The following GPR176 variants were observed in gnomAD, a reference collection of about 807,000 sequenced individuals.
The protein encoded by GPR176 is G-protein coupled receptor 176.
Under a neutral mutation model 35.4 loss-of-function variants are expected in GPR176, and 26 were observed. That is an observed-to-expected ratio of 0.74 (90% confidence interval 0.54 to 1.02). The LOEUF is 1.02. Ranked by LOEUF, GPR176 falls within the 50% of genes least tolerant of loss-of-function variation. GPR176 has a pLI of 0.00. For missense variants in GPR176, 597 were observed against 665.3 expected, an observed-to-expected ratio of 0.90 and a Z score of 1.13; for synonymous variants, 278 against 271.3, an observed-to-expected ratio of 1.02 and a Z score of -0.24.
intron 1 of GPR176, among the ~76,000 whole-genome samples, chr15:39,910,905 G>C: frequency 6.6e-6 from 1 of 152,016 alleles, no homozygotes; most frequent in East Asian, 1.9e-4. Flanking sequence ...AGGCGTGGTG[G>C]CATGCACCTG....
chr15:39,908,572 T>C (rs1162997204), intron 1 of GPR176, among the ~76,000 whole-genome samples: 1 of 152,074 alleles, frequency 6.6e-6, no homozygotes, highest in Admixed American at 6.5e-5. Flanking sequence ...TTCTTTTTTT[T>C]GTTCATGTAA....
At chr15:39,878,902 A>AG (rs900075738) in intron 1 of GPR176, among the ~76,000 whole-genome samples, 2 of 152,212 alleles carry the variant, frequency 1.3e-5, no homozygotes, top group African/African-American at 4.8e-5. Flanking sequence ...CACTGAAGAA[A>AG]CCCCTATGTA....
At chr15:39,915,675 G>A (rs960918165) in intron 1 of GPR176, among the ~76,000 whole-genome samples, 1 of 152,094 alleles carries the variant, frequency 6.6e-6, no homozygotes, top group African/African-American at 2.4e-5. Context: ...AGGAGTTCAA[G>A]ACCATCCTGG....
chr15:39,886,825 C>T (rs946768312), intron 1 of GPR176, among the ~76,000 whole-genome samples: 7 of 152,126 alleles, frequency 4.6e-5, no homozygotes, highest in African/African-American at 1.4e-4. Context: ...AATAGTGATC[C>T]TTAAGAGGGG....
intron 1 of GPR176, among the ~76,000 whole-genome samples, chr15:39,810,749 C>T (rs1325450800): frequency 2.0e-5 from 3 of 152,166 alleles, no homozygotes; most frequent in South Asian, 4.1e-4. Flanking sequence ...AAGGAAAAGC[C>T]TATGACAGAC....
At chr15:39,856,182 A>C (rs547418117) in intron 1 of GPR176, among the ~76,000 whole-genome samples, 1 of 152,308 alleles carries the variant, frequency 6.6e-6, no homozygotes, top group South Asian at 2.1e-4. Flanking sequence ...TCCTCAAAAC[A>C]TACTGTGCAG....
intron 1 of GPR176, among the ~76,000 whole-genome samples, chr15:39,867,183 TTACA>T (rs1328602040): frequency 6.6e-6 from 1 of 152,034 alleles, no homozygotes; most frequent in Admixed American, 6.5e-5. Context: ...CAAAACGAAT[TTACA>T]GGTGTTCATG....
chr15:39,837,350 T>C (rs1413182383), intron 1 of GPR176, among the ~76,000 whole-genome samples: 4 of 152,200 alleles, frequency 2.6e-5, no homozygotes, highest in Non-Finnish European at 5.9e-5. Context: ...TCTAGCTTCC[T>C]GGATCACCTC....
At chr15:39,893,938 G>T (rs565147809) in intron 1 of GPR176, among the ~76,000 whole-genome samples, 1 of 134,214 alleles carries the variant, frequency 7.5e-6, no homozygotes, top group South Asian at 2.4e-4. Flanking sequence ...TCCCGGACGG[G>T]GCGGCTGGCC....
intron 1 of GPR176, among the ~76,000 whole-genome samples, chr15:39,887,980 A>T (rs1396597911): frequency 6.6e-6 from 1 of 151,736 alleles, no homozygotes; most frequent in Non-Finnish European, 1.5e-5. Flanking sequence ...CACCAGAGGA[A>T]TGAATCTACA....
Position 39,823,139 on chromosome 15 carries a change from T to G in GPR176, c.173-15881A>C, listed in dbSNP as rs569743531. Among the ~76,000 whole-genome samples the G allele has an allele frequency of 1.2e-3, 190 of 152,344 alleles. 2 individuals carry two copies. Among genetic ancestry groups the G allele is most frequent in the Non-Finnish European group, 2.4e-3 (163 of 68,014 alleles). Reference sequence around the variant, plus strand: ...CAGGCCCCAGTCTTGACCCTTCTCATGCTATCCTCTTCTCTAGACTATTTT... The same window carrying G: ...CAGGCCCCAGTCTTGACCCTTCTCAGGCTATCCTCTTCTCTAGACTATTTT... On this transcript the variant is annotated intron_variant, in intron 1 of 2. Transcript: ENST00000561100.
At chr15:39,837,822 G>C (rs1277540904) in intron 1 of GPR176, among the ~76,000 whole-genome samples, 2 of 151,876 alleles carry the variant, frequency 1.3e-5, no homozygotes, top group African/African-American at 4.8e-5. Context: ...CATCACCAGA[G>C]TACAACATAG....
chr15:39,875,300 A>T (rs777436203), intron 1 of GPR176, among the ~76,000 whole-genome samples: 36 of 152,164 alleles, frequency 2.4e-4, no homozygotes, highest in Non-Finnish European at 4.7e-4. Context: ...CGTTTCTAAA[A>T]ATGTCTTAGA....
intron 1 of GPR176, among the ~76,000 whole-genome samples, chr15:39,873,207 G>A (rs898553071): frequency 1.3e-5 from 2 of 152,254 alleles, no homozygotes; most frequent in East Asian, 1.9e-4. Flanking sequence ...TTTTCTGCCT[G>A]AGAAAACAGA....
chr15:39,878,393 T>C (rs1337088602), intron 1 of GPR176, among the ~76,000 whole-genome samples: 1 of 151,688 alleles, frequency 6.6e-6, no homozygotes, highest in African/African-American at 2.4e-5. Flanking sequence ...GGCTGGCTTA[T>C]TATACTTAGC....
intron 1 of GPR176, among the ~76,000 whole-genome samples, chr15:39,871,760 C>A (rs1470392575): frequency 6.6e-6 from 1 of 152,180 alleles, no homozygotes; most frequent in Non-Finnish European, 1.5e-5. Context: ...TGACCAATGA[C>A]TGATGGAGTG....
Position 39,801,999 on chromosome 15 carries a change from C to T in GPR176, c.681G>A (p.Leu227=). 1.9e-6 allele frequency: 3 copies of T among 1,614,038 alleles called. No individual in the cohort carries two copies. Among genetic ancestry groups the T allele is most frequent in the Non-Finnish European group, 2.5e-6 (3 of 1,180,006 alleles). ...GGCTGGCACTCAGGGCCCGTCGGAT[C>T]AGTATCAAGAAGAGGAACACCACCA... is the stretch of plus-strand genomic sequence containing the variant. ...PVVVVFLFLI[L]IRRALSASQK... Residue 227 remains leucine, a synonymous_variant, in exon 3 of 3, where the codon CTG becomes CTA. Coordinates refer to ENST00000561100, the MANE Select transcript of GPR176 (RefSeq NM_007223.3).
At chr15:39,889,548 AAAAAT>A (rs201122190) in intron 1 of GPR176, among the ~76,000 whole-genome samples, 14,036 of 132,436 alleles carry the variant, frequency 0.11, 840 homozygotes, top group Middle Eastern at 0.22. Context: ...ATTCCATCTC[AAAAAT>A]AAAATAAAAT....
chr15:39,822,267 A>G (rs1307974328), intron 1 of GPR176, among the ~76,000 whole-genome samples: 1 of 152,006 alleles, frequency 6.6e-6, no homozygotes, highest in Non-Finnish European at 1.5e-5. Flanking sequence ...ATTATGAGAT[A>G]ATAACTGTTG....
Sources: gnomAD v4.1 joint callset for allele counts (sites outside exome capture counted in the v4.1 genomes callset) on GRCh38, gnomAD v4.1.1 for gene constraint, MANE v1.5 for transcripts, NCBI Gene and HGNC (gene_info 2026-07-23, HGNC 2026-07-21) for gene names.